The following RAB28 variants were observed in gnomAD, a reference collection of about 807,000 sequenced individuals.
RAB28 encodes the protein RAB28, member RAS oncogene family.
RAB28 carries 24 observed loss-of-function variants against 31.7 expected under a neutral mutation model. That is an observed-to-expected ratio of 0.76 (90% confidence interval 0.55 to 1.06). RAB28 has a LOEUF of 1.06. Ranked by LOEUF, RAB28 falls within the 50% of genes least tolerant of loss-of-function variation. RAB28 has a pLI of 0.00. For synonymous variants in RAB28, 100 were observed against 90.4 expected (o/e 1.11, Z -0.60); for missense variants, 254 against 258.5 (o/e 0.98, Z 0.12).
chr4:13,434,380 C>A (rs767732351), intron 4 of RAB28, among the ~76,000 whole-genome samples: 8 of 152,128 alleles, frequency 5.3e-5, no homozygotes, highest in Non-Finnish European at 1.0e-4. Context: ...CAAGATTTAA[C>A]CATGCTAAAT....
intron 4 of RAB28, among the ~76,000 whole-genome samples, chr4:13,424,975 C>T (rs967100879): frequency 6.6e-6 from 1 of 152,128 alleles, no homozygotes; most frequent in African/African-American, 2.4e-5. Context: ...AAAACAAACT[C>T]CTCAGAAGAA....
In RAB28 at chr4:13,376,611, G is replaced by T; in HGVS notation, c.507C>A (p.Cys169Ter). 6.2e-7 allele frequency: 1 copy of T among 1,600,606 alleles called. No homozygotes were observed. Among genetic ancestry groups the T allele is most frequent in the Non-Finnish European group, 8.5e-7 (1 of 1,174,416 alleles). Residue 169 changes from cysteine to a stop codon, truncating the protein, a stop_gained, in exon 6 of 7, where the codon TGC becomes TGA. Transcript: ENST00000330852. LOFTEE classifies it high-confidence loss of function. ...GGATTTCAGCAGCAACTTTCTGAAAGCACAGGAAGACCTACATAACAAAAA... is the reference window on the plus strand; with the variant it reads ...GGATTTCAGCAGCAACTTTCTGAAATCACAGGAAGACCTACATAACAAAAA... ...SAKTGDSVFL[C>*]FQKVAAEILG... is the part of the protein sequence containing the mutation.
intron 4 of RAB28, among the ~76,000 whole-genome samples, chr4:13,401,901 T>C (rs1242315157): frequency 6.6e-6 from 1 of 152,244 alleles, no homozygotes; most frequent in Admixed American, 6.5e-5. Flanking sequence ...TATAAGCATT[T>C]AATAATGCTA....
intron 4 of RAB28, among the ~76,000 whole-genome samples, chr4:13,403,609 T>G (rs952906529): frequency 6.6e-6 from 1 of 152,194 alleles, no homozygotes; most frequent in African/African-American, 2.4e-5. Flanking sequence ...GCATATTGCT[T>G]AAGATTCTGT....
Position 13,400,495 on chromosome 4 carries a change from T to C in RAB28, c.392-18901A>G, listed in dbSNP as rs371436461. Among the ~76,000 whole-genome samples, 3 of 152,320 alleles carry C rather than the reference T, an allele frequency of 2.0e-5. No individual in the cohort carries two copies. In the East Asian group the frequency reaches 5.8e-4, roughly 29 times the overall value. ...TGTCTTTCATTTAGGTCTTGTTTTA[T>C]CATTTGAGAATTTTGTAGTTTTATT... is the stretch of plus-strand genomic sequence containing the variant. On this transcript the variant is annotated intron_variant, in intron 4 of 6. Coordinates refer to ENST00000330852, the MANE Select transcript of RAB28 (RefSeq NM_001017979.3).
At chr4:13,418,296 T>A (rs1445862077) in intron 4 of RAB28, among the ~76,000 whole-genome samples, 1 of 152,144 alleles carries the variant, frequency 6.6e-6, no homozygotes, top group Non-Finnish European at 1.5e-5. Flanking sequence ...CTGAAAGTGA[T>A]GGGGAGAATG....
chr4:13,400,905 C>A (rs1220623011), intron 4 of RAB28, among the ~76,000 whole-genome samples: 1 of 152,114 alleles, frequency 6.6e-6, no homozygotes, highest in Non-Finnish European at 1.5e-5. Context: ...ACTGCATTTC[C>A]AGGATAAACT....
intron 4 of RAB28, among the ~76,000 whole-genome samples, chr4:13,388,852 G>T (rs140416313): frequency 0.012 from 1,757 of 152,150 alleles, 13 homozygotes; most frequent in Non-Finnish European, 0.018. Flanking sequence ...TTGTTGGTGG[G>T]ACTGTAAAGT....
chr4:13,396,465 T>C lies in RAB28; in HGVS notation c.392-14871A>G, dbSNP rs546832135. The stretch of plus-strand genomic sequence containing the variant: ...TGTACACTCTCTAATGCTGTCTTTC[T>C]ATGATGACATAGTAAATCATGCCAT... On this transcript the variant is annotated intron_variant, in intron 4 of 6. Transcript: ENST00000330852. Among the ~76,000 whole-genome samples, 3 of 152,206 alleles carry C rather than the reference T, an allele frequency of 2.0e-5. No homozygotes were observed. In the South Asian group the frequency reaches 6.2e-4, roughly 32 times the overall value.
intron 4 of RAB28, among the ~76,000 whole-genome samples, chr4:13,459,434 C>A (rs986898894): frequency 1.3e-5 from 2 of 152,140 alleles, no homozygotes; most frequent in African/African-American, 4.8e-5. Context: ...CACAATGAAA[C>A]TGCCTAACAA....
At chr4:13,377,611 C>T (rs1399827271) in intron 5 of RAB28, among the ~76,000 whole-genome samples, 1 of 152,064 alleles carries the variant, frequency 6.6e-6, no homozygotes, top group Non-Finnish European at 1.5e-5. Context: ...AGGACTTTGG[C>T]GTTTACTCCA....
At chr4:13,373,957 G>GTA (rs1373492670) in intron 6 of RAB28, among the ~76,000 whole-genome samples, 1 of 150,728 alleles carries the variant, frequency 6.6e-6, no homozygotes, top group Non-Finnish European at 1.5e-5. Context: ...ATGTATGTAT[G>GTA]TATGTGTGTG....
chr4:13,405,999 C>G (rs1055650664), intron 4 of RAB28, among the ~76,000 whole-genome samples: 1 of 147,130 alleles, frequency 6.8e-6, no homozygotes, highest in African/African-American at 2.7e-5. Flanking sequence ...AAAACAGAAC[C>G]TTTTTAAAAT....
intron 4 of RAB28, among the ~76,000 whole-genome samples, chr4:13,399,714 A>G (rs1711636442): frequency 6.6e-6 from 1 of 152,140 alleles, no homozygotes; most frequent in African/African-American, 2.4e-5. Flanking sequence ...TTCTTCTTCC[A>G]TGAAATTTCT....
intron 5 of RAB28, among the ~76,000 whole-genome samples, chr4:13,378,450 A>T: frequency 6.6e-6 from 1 of 152,218 alleles, no homozygotes. Context: ...AGAAACTGGC[A>T]AAAGAAGAAC....
chr4:13,403,875 T>A (rs1172059425), intron 4 of RAB28, among the ~76,000 whole-genome samples: 1 of 152,222 alleles, frequency 6.6e-6, no homozygotes, highest in Non-Finnish European at 1.5e-5. Flanking sequence ...TGTATAATCA[T>A]CAAAATGCAT....
chr4:13,395,103 A>T (rs149480339), intron 4 of RAB28, among the ~76,000 whole-genome samples: 2,398 of 152,304 alleles, frequency 0.016, 62 homozygotes, highest in African/African-American at 0.054. Context: ...AACTTTAGGG[A>T]TGAATTAACA....
chr4:13,396,723 A>G (rs1181652751), intron 4 of RAB28, among the ~76,000 whole-genome samples: 1 of 152,076 alleles, frequency 6.6e-6, no homozygotes, highest in African/African-American at 2.4e-5. Flanking sequence ...ACATTTCTTT[A>G]TAAGATGCCT....
intron 4 of RAB28, among the ~76,000 whole-genome samples, chr4:13,407,415 T>C (rs755596011): frequency 2.6e-5 from 4 of 152,198 alleles, no homozygotes; most frequent in South Asian, 2.1e-4. Flanking sequence ...TGCAGCCCCG[T>C]AGTAGGATTT....
Sources: gnomAD v4.1 joint callset for allele counts (sites outside exome capture counted in the v4.1 genomes callset) on GRCh38, gnomAD v4.1.1 for gene constraint, MANE v1.5 for transcripts, NCBI Gene and HGNC (gene_info 2026-07-23, HGNC 2026-07-21) for gene names.